Variants in TBCK observed in about 807,000 individuals in gnomAD.
TBCK encodes the protein TBC1 domain containing kinase, also known as TBC domain-containing protein kinase-like protein.
Under a neutral mutation model 113.4 loss-of-function variants are expected in TBCK, and 99 were observed. The ratio of observed to expected loss-of-function variants is 0.87; its 90% CI spans 0.74 to 1.03. The LOEUF (loss-of-function observed/expected upper bound fraction) is 1.03, where lower values mean the gene tolerates loss of function less well. TBCK is among the 50% of genes least tolerant of loss of function. The pLI, the probability that TBCK is intolerant of heterozygous loss-of-function variation, is 0.00. For synonymous variants in TBCK, 369 were observed against 370.8 expected (o/e 1.00, Z 0.05); for missense variants, 1,045 against 1,061.3 (o/e 0.98, Z 0.21).
chr4:106,080,088 A>T (rs60169642), intron 25 of TBCK, among the ~76,000 whole-genome samples: 6,268 of 152,174 alleles, frequency 0.041, 431 homozygotes, highest in African/African-American at 0.14. Context: ...GTTAAGATTG[A>T]TAAAATGGCC....
Position 106,247,119 on chromosome 4 carries a change from A to G in TBCK, c.931+20T>C. ...AAAAACAAGGCTCATATTATTCTCT[A>G]TGCTTTAATTTATCATTACCTTTAC... On this transcript the variant is annotated intron_variant, in intron 10 of 25. Transcript: ENST00000394708. The G allele has an allele frequency of 1.2e-6, 2 of 1,602,874 alleles. No homozygotes were observed. Among genetic ancestry groups the G allele is most frequent in the Non-Finnish European group, 1.7e-6 (2 of 1,176,634 alleles).
At chr4:106,316,328 T>C (rs1009636157), upstream of TBCK, 27 of 560,348 alleles carry the variant, frequency 4.8e-5, no homozygotes, top group East Asian at 5.5e-4. Context: ...AAAGGACATA[T>C]AGCGAGAGAG....
intron 5 of TBCK, among the ~76,000 whole-genome samples, chr4:106,259,634 T>C (rs1435679334): frequency 6.6e-6 from 1 of 151,916 alleles, no homozygotes; most frequent in Non-Finnish European, 1.5e-5. Context: ...TACACACATA[T>C]ATGCTCGGAG....
chr4:106,215,419 G>A (rs931913997), intron 19 of TBCK, among the ~76,000 whole-genome samples: 5 of 152,066 alleles, frequency 3.3e-5, no homozygotes, highest in African/African-American at 1.2e-4. Flanking sequence ...ACACAGACTG[G>A]CAAATTGGAT....
intron 25 of TBCK, among the ~76,000 whole-genome samples, chr4:106,061,235 A>C (rs1434743781): frequency 6.6e-6 from 1 of 151,764 alleles, no homozygotes; most frequent in Admixed American, 6.6e-5. Context: ...CTACAGAGAA[A>C]TCTTTCATGA....
chr4:106,302,264 T>C (rs537030598), intron 2 of TBCK, among the ~76,000 whole-genome samples: 11 of 152,166 alleles, frequency 7.2e-5, no homozygotes, highest in African/African-American at 2.4e-4. Flanking sequence ...AACAGCAATA[T>C]AGTGGACAGG....
At chr4:106,105,095 C>T (rs1741988166) in intron 24 of TBCK, among the ~76,000 whole-genome samples, 1 of 152,184 alleles carries the variant, frequency 6.6e-6, no homozygotes, top group South Asian at 2.1e-4. Context: ...GTGGAACTGC[C>T]CTAGCCACCC....
chr4:106,066,969 T>C (rs1482934462), intron 25 of TBCK, among the ~76,000 whole-genome samples: 1 of 152,144 alleles, frequency 6.6e-6, no homozygotes, highest in Non-Finnish European at 1.5e-5. Flanking sequence ...AATGCTACAA[T>C]GAACATTGGT....
rs187635287 is a variant in TBCK at position 106,096,334 on chromosome 4, C to G, written c.2412-693G>C. Among the ~76,000 whole-genome samples the G allele has an allele frequency of 8.4e-4, 128 of 152,198 alleles. 3 individuals carry two copies. Among genetic ancestry groups the G allele is most frequent in the Admixed American group, 7.8e-3 (119 of 15,288 alleles). ...AAGTACTTTTATTTTCAGTAAAGAT[C>G]TACTTAAAATGAAAATTTTTTATAA... On this transcript the variant is annotated intron_variant, in intron 24 of 25. Transcript: ENST00000394708.
At chr4:106,260,016 A>G (rs920686377) in intron 5 of TBCK, among the ~76,000 whole-genome samples, 1 of 151,918 alleles carries the variant, frequency 6.6e-6, no homozygotes, top group South Asian at 2.1e-4. Flanking sequence ...GAATCTTAAT[A>G]TATATCTTAG....
chr4:106,309,068 T>C, intron 1 of TBCK, 79 bp from the exon 2 acceptor site: 2 of 982,430 alleles, frequency 2.0e-6, no homozygotes, highest in Non-Finnish European at 2.9e-6. Flanking sequence ...AACATACAAC[T>C]TGGAGGAAAA....
chr4:106,073,582 C>T (rs184310988), intron 25 of TBCK, among the ~76,000 whole-genome samples: 9 of 152,322 alleles, frequency 5.9e-5, no homozygotes, highest in African/African-American at 2.2e-4. Flanking sequence ...CAGGGACCCA[C>T]TTGAGGCAGT....
chr4:106,284,701 A>G (rs924397885), intron 3 of TBCK, among the ~76,000 whole-genome samples: 1 of 152,182 alleles, frequency 6.6e-6, no homozygotes, highest in Non-Finnish European at 1.5e-5. Context: ...TTCATAGGTT[A>G]AGCAAAAGTA....
chr4:106,152,666 T>C (rs1748636539), intron 23 of TBCK, among the ~76,000 whole-genome samples: 2 of 152,100 alleles, frequency 1.3e-5, no homozygotes, highest in African/African-American at 4.8e-5. Context: ...GTACACGTTC[T>C]CTTTAAATGT....
intron 19 of TBCK, among the ~76,000 whole-genome samples, chr4:106,217,620 T>G (rs1757120635): frequency 6.6e-6 from 1 of 150,928 alleles, no homozygotes; most frequent in South Asian, 2.1e-4. Flanking sequence ...CATTCACAAT[T>G]GCTTCAAAGA....
chr4:106,220,108 A>T (rs1757498281), intron 19 of TBCK, among the ~76,000 whole-genome samples: 1 of 152,174 alleles, frequency 6.6e-6, no homozygotes, highest in African/African-American at 2.4e-5. Flanking sequence ...TGAATTTTAT[A>T]GATAACATGG....
chr4:106,309,614 CT>C (rs1767967063), intron 1 of TBCK, among the ~76,000 whole-genome samples: 1 of 151,968 alleles, frequency 6.6e-6, no homozygotes, highest in Non-Finnish European at 1.5e-5. Context: ...TAAGGCTCCT[CT>C]CTTTACCTAA....
At chr4:106,085,627 ACT>A (rs1295287929) in intron 25 of TBCK, among the ~76,000 whole-genome samples, 3 of 152,090 alleles carry the variant, frequency 2.0e-5, no homozygotes, top group African/African-American at 7.2e-5. Flanking sequence ...CATCTACAGA[ACT>A]CTCTACTCCA....
At chr4:106,284,901 T>A (rs1321379537) in intron 3 of TBCK, among the ~76,000 whole-genome samples, 1 of 152,170 alleles carries the variant, frequency 6.6e-6, no homozygotes, top group Non-Finnish European at 1.5e-5. Context: ...GTCTCTTGAA[T>A]CTTGCTTTAG....
Sources: gnomAD v4.1 joint callset for allele counts (sites outside exome capture counted in the v4.1 genomes callset) on GRCh38, gnomAD v4.1.1 for gene constraint, MANE v1.5 for transcripts, NCBI Gene and HGNC (gene_info 2026-07-23, HGNC 2026-07-21) for gene names.